Variants in NXPE2 observed in about 807,000 individuals in gnomAD.
NXPE2 encodes neurexophilin and PC-esterase domain family member 2, also known as NXPE family member 2.
A neutral mutation model predicts 34.4 loss-of-function variants in NXPE2; 34 were observed. The observed-to-expected ratio is 0.99, with a 90% CI of 0.75 to 1.31. NXPE2 has a LOEUF of 1.31. Among genes scored for constraint, NXPE2 ranks in the 40% most tolerant of loss-of-function variants. The pLI, the probability that NXPE2 is intolerant of heterozygous loss-of-function variation, is 0.00. For synonymous variants in NXPE2, 235 were observed against 231.3 expected, an observed-to-expected ratio of 1.02 and a Z score of -0.15; for missense variants, 649 against 672.5, an observed-to-expected ratio of 0.97 and a Z score of 0.39.
At chr11:114,517,244 G>A in the NXPE2 span, among the ~76,000 whole-genome samples, 3 of 152,058 alleles carry the variant, frequency 2.0e-5, no homozygotes, top group Non-Finnish European at 4.4e-5. Flanking sequence ...GTGGCTGTAT[G>A]TAAATTTTTT....
chr11:114,582,322 A>G, the NXPE2 span: 2 of 1,594,030 alleles, frequency 1.3e-6, no homozygotes, highest in African/African-American at 2.7e-5. Context: ...TTGCTAAGAT[A>G]AGAAACTTTC....
At chr11:114,643,347 A>G in the NXPE2 span, among the ~76,000 whole-genome samples, 1 of 152,090 alleles carries the variant, frequency 6.6e-6, no homozygotes. Flanking sequence ...TACATCCTGA[A>G]TGGTACTGCC....
chr11:114,553,954 C>G, the NXPE2 span: 1 of 985,386 alleles, frequency 1.0e-6, no homozygotes. Flanking sequence ...GCAGGTTTGT[C>G]AGTATACCCC....
At chr11:114,737,799 G>A in the NXPE2 span, among the ~76,000 whole-genome samples, 1 of 152,074 alleles carries the variant, frequency 6.6e-6, no homozygotes, top group African/African-American at 2.4e-5. Flanking sequence ...TTAGATTGGA[G>A]AGGCTGGGCG....
chr11:114,590,315 G>A, the NXPE2 span, among the ~76,000 whole-genome samples: 2 of 152,178 alleles, frequency 1.3e-5, no homozygotes, highest in Non-Finnish European at 2.9e-5. Context: ...CCTTGGTAAA[G>A]TACCTTGGTT....
At chr11:114,787,700 T>A in the NXPE2 span, among the ~76,000 whole-genome samples, 1 of 152,190 alleles carries the variant, frequency 6.6e-6, no homozygotes, top group Non-Finnish European at 1.5e-5. Flanking sequence ...GAAATACAGA[T>A]GCTACTATGT....
At chr11:114,619,605 C>T in the NXPE2 span, among the ~76,000 whole-genome samples, 4 of 145,682 alleles carry the variant, frequency 2.7e-5, no homozygotes, top group African/African-American at 1.0e-4. Flanking sequence ...CAGTGCTTCC[C>T]AGTGGAAAAT....
At chr11:114,710,304 A>G (rs180710100), downstream of NXPE2, among the ~76,000 whole-genome samples, 2 of 152,272 alleles carry the variant, frequency 1.3e-5, no homozygotes, top group African/African-American at 4.8e-5. Context: ...GATCAAAAAA[A>G]CTAAGAGTTG....
chr11:114,517,472 T>G, the NXPE2 span, among the ~76,000 whole-genome samples: 1 of 152,194 alleles, frequency 6.6e-6, no homozygotes, highest in Non-Finnish European at 1.5e-5. Context: ...CACAGAAGAT[T>G]TATTTTTGAT....
the NXPE2 span, among the ~76,000 whole-genome samples, chr11:114,791,630 A>G: frequency 6.6e-6 from 1 of 152,232 alleles, no homozygotes; most frequent in Non-Finnish European, 1.5e-5. Flanking sequence ...AGTATGAATG[A>G]AAGAATGGAT....
chr11:114,727,814 CACAT>C, the NXPE2 span, among the ~76,000 whole-genome samples: 1 of 151,006 alleles, frequency 6.6e-6, no homozygotes, highest in Non-Finnish European at 1.5e-5. Context: ...CACACACACA[CACAT>C]ATCTTTCCCC....
At chr11:114,633,588 T>A in the NXPE2 span, among the ~76,000 whole-genome samples, 6 of 151,722 alleles carry the variant, frequency 4.0e-5, no homozygotes, top group South Asian at 1.2e-3. Context: ...GCATTAGGTA[T>A]ATCTCATAAT....
At chr11:114,531,475 T>C in the NXPE2 span, among the ~76,000 whole-genome samples, 1 of 152,214 alleles carries the variant, frequency 6.6e-6, no homozygotes, top group African/African-American at 2.4e-5. Flanking sequence ...TTTCTCTCCA[T>C]TTAATTTCCT....
the NXPE2 span, among the ~76,000 whole-genome samples, chr11:114,567,327 C>A: frequency 6.6e-6 from 1 of 151,998 alleles, no homozygotes; most frequent in South Asian, 2.1e-4. Context: ...CTTGTTCACA[C>A]CCCTGGTTCA....
At chr11:114,610,004 G>T in the NXPE2 span, among the ~76,000 whole-genome samples, 1 of 149,484 alleles carries the variant, frequency 6.7e-6, no homozygotes, top group Non-Finnish European at 1.5e-5. Context: ...ACTGTTACCT[G>T]GTAGATAATA....
the NXPE2 span, among the ~76,000 whole-genome samples, chr11:114,630,718 C>G: frequency 1.3e-5 from 2 of 151,330 alleles, no homozygotes; most frequent in African/African-American, 4.9e-5. Context: ...AAAGAAACTA[C>G]CATCAGAGTG....
the NXPE2 span, among the ~76,000 whole-genome samples, chr11:114,534,847 A>C: frequency 1.3e-5 from 2 of 152,220 alleles, no homozygotes; most frequent in Admixed American, 6.5e-5. Context: ...ACCAAGTTGG[A>C]AAACACTCTG....
the NXPE2 span, among the ~76,000 whole-genome samples, chr11:114,537,705 C>A: frequency 9.9e-5 from 15 of 151,958 alleles, 1 homozygote; most frequent in Admixed American, 9.8e-4. Flanking sequence ...AATAAAATAC[C>A]TAGGAATCCA....
At chr11:114,530,065 T>C in the NXPE2 span, 15 of 1,165,636 alleles carry the variant, frequency 1.3e-5, no homozygotes, top group Non-Finnish European at 1.8e-5. Context: ...ATGTCTTACC[T>C]TGAGTACAGG....
Sources: allele counts gnomAD v4.1 joint callset (sites outside exome capture counted in the v4.1 genomes callset), GRCh38; gene constraint gnomAD v4.1.1; transcripts MANE v1.5; gene names NCBI Gene and HGNC (gene_info 2026-07-23, HGNC 2026-07-21).